Variants in NNT observed in about 807,000 individuals in gnomAD.
The protein encoded by NNT is NAD(P) transhydrogenase, mitochondrial.
In NNT, 50 loss-of-function variants were observed where a neutral mutation model predicts 104.8. The observed-to-expected ratio is 0.48, with a 90% CI of 0.38 to 0.60. The LOEUF (loss-of-function observed/expected upper bound fraction) is 0.60, where lower values mean the gene tolerates loss of function less well. Ranked by LOEUF, NNT falls within the 20% of genes least tolerant of loss-of-function variation. The probability of loss-of-function intolerance (pLI) is 0.00; values close to 1 mark genes in which losing one functional copy is unlikely to be tolerated. For synonymous variants in NNT, 461 were observed against 490.4 expected (o/e 0.94, Z 0.79); for missense variants, 1,131 against 1,330.7 (o/e 0.85, Z 2.33).
At position 43,644,298 on chromosome 5, in the gene NNT, T is replaced by C; in HGVS notation, c.1071T>C (p.Thr357=). 1.2e-6 allele frequency: 2 copies of C among 1,613,916 alleles called. No homozygotes were observed. Among genetic ancestry groups the C allele is most frequent in the South Asian group, 2.2e-5 (2 of 91,012 alleles). Residue 357 remains threonine (T), a synonymous_variant, in exon 8 of 22, where the codon ACT becomes ACC. Transcript: ENST00000344920. The part of the protein sequence containing the change: ...AAEAGGNFET[T]KPGELYIHKG... ...AGGCTGGTGGAAACTTTGAAACCAC[T>C]AAGCCAGGAGAACTCTACATTCATA...
intron 3 of NNT, among the ~76,000 whole-genome samples, chr5:43,614,074 G>A (rs578098338): frequency 1.3e-5 from 2 of 152,266 alleles, no homozygotes; most frequent in East Asian, 1.9e-4. Context: ...AATACTTGGT[G>A]ATATAGCTAG....
At chr5:43,609,561 A>C (rs545145784) in intron 2 of NNT, among the ~76,000 whole-genome samples, 33 of 152,342 alleles carry the variant, frequency 2.2e-4, no homozygotes, top group Admixed American at 1.9e-3. Flanking sequence ...GGTAATAGAA[A>C]AAACAAACAA....
At chr5:43,608,273 T>C (rs1457810713) in intron 1 of NNT, among the ~76,000 whole-genome samples, 1 of 152,158 alleles carries the variant, frequency 6.6e-6, no homozygotes, top group East Asian at 1.9e-4. Flanking sequence ...TGGAGGATCA[T>C]TGGGAATTAT....
chr5:43,686,862 G>C (rs529148355), intron 19 of NNT, among the ~76,000 whole-genome samples: 13 of 151,942 alleles, frequency 8.6e-5, no homozygotes, highest in Non-Finnish European at 1.9e-4. Flanking sequence ...TCAATCCCAT[G>C]GTACACATGA....
At chr5:43,645,158 G>T (rs1260748258) in intron 9 of NNT, among the ~76,000 whole-genome samples, 199 bp from the exon 10 acceptor site, 4 of 151,928 alleles carry the variant, frequency 2.6e-5, no homozygotes, top group Non-Finnish European at 5.9e-5. Context: ...ATATATGATT[G>T]TATATGTAAC....
In NNT at chr5:43,645,388, C is replaced by T. The variant is rs145978878; in HGVS notation, c.1322C>T (p.Pro441Leu). The T allele has an allele frequency of 1.3e-4, 203 of 1,554,844 alleles. No individual in the cohort carries two copies. The highest frequency in any genetic ancestry group is 3.2e-4 in the South Asian group (26 of 81,892). Residue 441 changes from proline to leucine, a missense_variant, in exon 10 of 22, where the codon CCG becomes CTG. Transcript: ENST00000344920. ...DGKVIFPAPTPKNIPQGAPVK... is the reference protein window; with the variant it reads ...DGKVIFPAPTLKNIPQGAPVK... Reference sequence around the variant, plus strand: ...AAAGTGATTTTCCCAGCTCCCACACCGAAAAATATTCCTCAAGGTGCCCCA... The same window carrying T: ...AAAGTGATTTTCCCAGCTCCCACACTGAAAAATATTCCTCAAGGTGCCCCA...
intron 17 of NNT, among the ~76,000 whole-genome samples, chr5:43,663,298 A>G (rs1180851048): frequency 1.3e-5 from 2 of 152,166 alleles, no homozygotes; most frequent in Non-Finnish European, 2.9e-5. Flanking sequence ...CAAAGGGAGT[A>G]AGAACTTTTT....
chr5:43,607,862 A>G (rs1749307665), intron 1 of NNT, among the ~76,000 whole-genome samples: 1 of 152,182 alleles, frequency 6.6e-6, no homozygotes, highest in Non-Finnish European at 1.5e-5. Flanking sequence ...ATGATACAGC[A>G]GAACTTACAG....
At chr5:43,680,622 CCATG>C (rs1741654271) in intron 19 of NNT, among the ~76,000 whole-genome samples, 1 of 152,124 alleles carries the variant, frequency 6.6e-6, no homozygotes, top group African/African-American at 2.4e-5. Flanking sequence ...GCTTCATGGC[CCATG>C]ATTGATTTAG....
At chr5:43,698,262 T>A (rs1742664559) in intron 19 of NNT, among the ~76,000 whole-genome samples, 1 of 152,086 alleles carries the variant, frequency 6.6e-6, no homozygotes, top group South Asian at 2.1e-4. Context: ...TATCATTTTG[T>A]TACCACTTTG....
Position 43,704,477 on chromosome 5 carries a change from A to G in NNT, c.*73A>G. Reference sequence around the variant, plus strand: ...GGGAACAGGCAAATAAAGTATCAGTATACATGGTGATGTACATCTGTAGCA... The same window carrying G: ...GGGAACAGGCAAATAAAGTATCAGTGTACATGGTGATGTACATCTGTAGCA... On this transcript the variant is annotated 3_prime_UTR_variant, in exon 22 of 22. Transcript: ENST00000344920. 6.8e-7 allele frequency: 1 copy of G among 1,464,864 alleles called. No individual in the cohort carries two copies. 90.7% of individuals were successfully genotyped at this position (1,464,864 alleles called of 1,614,324 possible).
chr5:43,605,837 C>G (rs1749197417), intron 1 of NNT, among the ~76,000 whole-genome samples: 1 of 152,124 alleles, frequency 6.6e-6, no homozygotes, highest in Non-Finnish European at 1.5e-5. Flanking sequence ...ACAGTTGAAT[C>G]AAGTGAAATT....
rs6862691 is a variant in NNT, at chr5:43,650,843, T to C, written c.1717+256T>C. Among the ~76,000 whole-genome samples, 1,103 of 152,336 alleles carry C rather than the reference T, an allele frequency of 7.2e-3. 9 individuals carry two copies. Among genetic ancestry groups the C allele is most frequent in the African/African-American group, 0.025 (1,021 of 41,566 alleles). ...ACAAGTTAACTGGAAAGTTATTGAA[T>C]GCATAGTTTTGAAGTTGGGTTAGAG... On this transcript the variant is annotated intron_variant, in intron 12 of 21. Coordinates refer to ENST00000344920, the MANE Select transcript of NNT (RefSeq NM_182977.3).
At chr5:43,665,488 C>T (rs887484583) in intron 17 of NNT, among the ~76,000 whole-genome samples, 34 of 152,118 alleles carry the variant, frequency 2.2e-4, no homozygotes, top group Admixed American at 9.2e-4. Context: ...CATCTTGCAC[C>T]GCCCTTAATC....
chr5:43,683,458 T>TA (rs1365624432), intron 19 of NNT, among the ~76,000 whole-genome samples: 1 of 152,250 alleles, frequency 6.6e-6, no homozygotes, highest in Non-Finnish European at 1.5e-5. Context: ...GATGCATTCC[T>TA]TATAAACTCT....
Position 43,653,073 on chromosome 5 carries a change from C to T in NNT, c.1919C>T (p.Thr640Ile). ...GTCGGTGCCTTGGCTGGCCTCTCCA[C>T]CCAGGGAACAGCACGTCTTGGCAAT... is the stretch of plus-strand genomic sequence containing the variant. Reference protein sequence around the residue: ...CCVGALAGLSTQGTARLGNAL... With the variant: ...CCVGALAGLSIQGTARLGNAL... The change falls in exon 14 of 22, where the codon ACC (threonine) becomes ATC (isoleucine). Residue 640 changes from threonine (T) to isoleucine (I), a missense_variant. Physicochemically the swap from Thr to Ile is moderately conservative, Grantham distance 89 (BLOSUM62 -1). Transcript: ENST00000344920. 6.2e-7 allele frequency: 1 copy of T among 1,614,104 alleles called. No homozygotes were observed.
chr5:43,640,335 T>C (rs1580014404), intron 7 of NNT, among the ~76,000 whole-genome samples: 1 of 152,168 alleles, frequency 6.6e-6, no homozygotes, highest in African/African-American at 2.4e-5. Flanking sequence ...TCTCCCTTTA[T>C]TGTGTTTTGG....
intron 7 of NNT, among the ~76,000 whole-genome samples, chr5:43,643,740 A>G (rs1193221172): frequency 6.6e-6 from 1 of 152,212 alleles, no homozygotes; most frequent in Admixed American, 6.5e-5. Context: ...ATAATTGGCA[A>G]TGTTCTGTTT....
At chr5:43,607,370 G>A (rs566962492) in intron 1 of NNT, among the ~76,000 whole-genome samples, 7 of 152,082 alleles carry the variant, frequency 4.6e-5, no homozygotes, top group Non-Finnish European at 7.4e-5. Context: ...CCTGGACAAT[G>A]AGTCTCAGGA....
Sources: gnomAD v4.1 joint callset for allele counts (sites outside exome capture counted in the v4.1 genomes callset) on GRCh38, gnomAD v4.1.1 for gene constraint, MANE v1.5 for transcripts, NCBI Gene and HGNC (gene_info 2026-07-23, HGNC 2026-07-21) for gene names.